The following PHACTR1 variants were observed in gnomAD, a reference collection of about 807,000 sequenced individuals.
The protein encoded by PHACTR1 is phosphatase and actin regulator 1.
PHACTR1 carries 16 observed loss-of-function variants against 69.2 expected under a neutral mutation model. That is an observed-to-expected ratio of 0.23 (90% CI 0.16 to 0.35). PHACTR1 has a LOEUF of 0.35. PHACTR1 is among the 10% of genes least tolerant of loss of function. PHACTR1 has a pLI of 1.00. For missense variants in PHACTR1, 510 were observed against 734.7 expected (o/e 0.69, Z 3.54); for synonymous variants, 312 against 284.5 (o/e 1.10, Z -0.97).
At chr6:13,003,951 C>CTATATATATATATACATATA (rs1384494931) in intron 4 of PHACTR1, among the ~76,000 whole-genome samples, 1 of 93,548 alleles carries the variant, frequency 1.1e-5, no homozygotes, top group African/African-American at 6.2e-5. Flanking sequence ...AGTAGTATTC[C>CTATATATATATATACATATA]TATATATATA....
At chr6:12,862,918 G>A (rs571013099) in intron 4 of PHACTR1, among the ~76,000 whole-genome samples, 1 of 152,336 alleles carries the variant, frequency 6.6e-6, no homozygotes, top group Non-Finnish European at 1.5e-5. Context: ...GAACAGAACA[G>A]TGACCTCTTC....
chr6:13,000,373 C>T (rs1797925864), intron 4 of PHACTR1, among the ~76,000 whole-genome samples: 1 of 152,018 alleles, frequency 6.6e-6, no homozygotes, highest in Non-Finnish European at 1.5e-5. Context: ...CATCGTGAGA[C>T]CCCGTCTCTA....
intron 4 of PHACTR1, among the ~76,000 whole-genome samples, chr6:12,920,647 A>G (rs1787536417): frequency 6.6e-6 from 1 of 152,272 alleles, no homozygotes; most frequent in Admixed American, 6.5e-5. Flanking sequence ...ATTATAATTC[A>G]TAAATTGTAG....
At chr6:13,144,191 G>C (rs1258616414) in intron 5 of PHACTR1, among the ~76,000 whole-genome samples, 2 of 152,144 alleles carry the variant, frequency 1.3e-5, no homozygotes, top group African/African-American at 4.8e-5. Flanking sequence ...TGTTCAGCAT[G>C]ACACTAGAAG....
intron 4 of PHACTR1, among the ~76,000 whole-genome samples, chr6:12,790,869 A>T (rs1772183525): frequency 6.6e-6 from 1 of 152,164 alleles, no homozygotes; most frequent in African/African-American, 2.4e-5. Flanking sequence ...ATCCTTGGCC[A>T]TGTGTGGGTG....
intron 4 of PHACTR1, among the ~76,000 whole-genome samples, chr6:13,034,492 A>G (rs1802992432): frequency 6.6e-6 from 1 of 152,166 alleles, no homozygotes. Flanking sequence ...AGGTTCAGTT[A>G]TTACTCTCTT....
At chr6:13,135,337 A>G (rs1361881022) in intron 5 of PHACTR1, among the ~76,000 whole-genome samples, 4 of 152,206 alleles carry the variant, frequency 2.6e-5, no homozygotes, top group Non-Finnish European at 5.9e-5. Flanking sequence ...CCGCCCTGTC[A>G]TTCTGGGAGC....
intron 4 of PHACTR1, among the ~76,000 whole-genome samples, chr6:12,761,960 C>T (rs370809129): frequency 6.6e-6 from 1 of 152,218 alleles, no homozygotes. Flanking sequence ...TTCCAGACCT[C>T]GCGCCACGCT....
chr6:13,177,172 T>TAAAAAAAAAAAAAAAAAGAAAAA (rs1761438617), intron 6 of PHACTR1, among the ~76,000 whole-genome samples: 1 of 63,376 alleles, frequency 1.6e-5, no homozygotes, highest in African/African-American at 1.0e-4. Context: ...ACCCCATCTC[T>TAAAAAAAAAAAAAAAAAGAAAAA]AAAAAAAAAA....
intron 5 of PHACTR1, among the ~76,000 whole-genome samples, chr6:13,101,839 G>A (rs1197675907): frequency 1.3e-5 from 2 of 152,202 alleles, no homozygotes; most frequent in East Asian, 3.8e-4. Flanking sequence ...TCTCAGTGGT[G>A]CTGCTCATAA....
At chr6:13,094,680 G>A (rs1238057056) in intron 5 of PHACTR1, among the ~76,000 whole-genome samples, 1 of 152,124 alleles carries the variant, frequency 6.6e-6, no homozygotes, top group Non-Finnish European at 1.5e-5. Flanking sequence ...AGAGATGGGA[G>A]CATAAAGTTG....
chr6:13,120,316 G>C (rs1818510203), intron 5 of PHACTR1, among the ~76,000 whole-genome samples: 1 of 151,528 alleles, frequency 6.6e-6, no homozygotes, highest in Non-Finnish European at 1.5e-5. Flanking sequence ...AACAAAGTAG[G>C]AAAACAGAAG....
chr6:12,944,319 C>G (rs1582623222), intron 4 of PHACTR1, among the ~76,000 whole-genome samples: 1 of 152,282 alleles, frequency 6.6e-6, no homozygotes, highest in Admixed American at 6.5e-5. Context: ...TACAATTTGG[C>G]CTGTCTGTTT....
At chr6:12,853,786 A>G (rs955850784) in intron 4 of PHACTR1, among the ~76,000 whole-genome samples, 5 of 152,192 alleles carry the variant, frequency 3.3e-5, no homozygotes, top group South Asian at 2.1e-4. Flanking sequence ...CCCCTGATTC[A>G]GTTATCTCTA....
chr6:13,255,552 A>T (rs988157186), intron 10 of PHACTR1, among the ~76,000 whole-genome samples: 4 of 152,252 alleles, frequency 2.6e-5, no homozygotes, highest in Non-Finnish European at 4.4e-5. Context: ...CTGTAAAATC[A>T]AAAACAAGTT....
chr6:12,899,257 T>A (rs1466318522), intron 4 of PHACTR1, among the ~76,000 whole-genome samples: 1 of 152,214 alleles, frequency 6.6e-6, no homozygotes, highest in Non-Finnish European at 1.5e-5. Context: ...CAGTAAGGGA[T>A]CAAGAAATAT....
At chr6:12,860,870 G>T (rs138892149) in intron 4 of PHACTR1, among the ~76,000 whole-genome samples, 1 of 152,096 alleles carries the variant, frequency 6.6e-6, no homozygotes, top group Non-Finnish European at 1.5e-5. Flanking sequence ...TATAAGGATC[G>T]CTTGACAATT....
At chr6:12,823,383 G>A (rs575177316) in intron 4 of PHACTR1, among the ~76,000 whole-genome samples, 2 of 152,324 alleles carry the variant, frequency 1.3e-5, no homozygotes, top group East Asian at 3.9e-4. Flanking sequence ...CATTCATGAA[G>A]TGAACAGTGA....
intron 4 of PHACTR1, among the ~76,000 whole-genome samples, chr6:12,783,667 A>G (rs1378484377): frequency 6.6e-6 from 1 of 152,224 alleles, no homozygotes; most frequent in Non-Finnish European, 1.5e-5. Context: ...TATTTTACAT[A>G]TATTTCAAAC....
Sources: allele counts gnomAD v4.1 joint callset (sites outside exome capture counted in the v4.1 genomes callset), GRCh38; gene constraint gnomAD v4.1.1; transcripts MANE v1.5; gene names NCBI Gene and HGNC (gene_info 2026-07-23, HGNC 2026-07-21).